MVB12B: variants seen among roughly 807,000 people sequenced by gnomAD.
MVB12B encodes the protein ESCRT-I complex subunit MVB12B.
MVB12B carries 16 observed loss-of-function variants against 41.6 expected under a neutral mutation model. The ratio of observed to expected loss-of-function variants is 0.38; its 90% CI spans 0.26 to 0.58. The LOEUF is 0.58. Ranked by LOEUF, MVB12B falls within the 20% of genes least tolerant of loss-of-function variation. MVB12B has a pLI of 0.62. For synonymous variants in MVB12B, 133 were observed against 139.7 expected (o/e 0.95, Z 0.34); for missense variants, 274 against 380.2 (o/e 0.72, Z 2.32).
intron 6 of MVB12B, chr9:126,397,413 A>G (rs2119013685): frequency 1.0e-6 from 1 of 985,430 alleles, no homozygotes; most frequent in African/African-American, 1.7e-5. Flanking sequence ...TCAGAACCAG[A>G]TGTTTATAAG....
chr9:126,498,222 C>T (rs1255625915), intron 9 of MVB12B, among the ~76,000 whole-genome samples: 1 of 152,142 alleles, frequency 6.6e-6, no homozygotes, highest in Non-Finnish European at 1.5e-5. Flanking sequence ...TAGCCGAGGC[C>T]GTGGGAGTGC....
At chr9:126,416,599 C>T (rs375355937) in intron 6 of MVB12B, among the ~76,000 whole-genome samples, 1 of 152,142 alleles carries the variant, frequency 6.6e-6, no homozygotes, top group Admixed American at 6.5e-5. Context: ...TTTATATACC[C>T]GATAGTGAAG....
rs1332186447 is a variant in MVB12B, at chr9:126,473,036, T to C, written c.758-8333T>C. Among the ~76,000 whole-genome samples, 1 of 152,164 alleles carries C rather than the reference T, an allele frequency of 6.6e-6. No individual in the cohort carries two copies. Among genetic ancestry groups the C allele is most frequent in the Non-Finnish European group, 1.5e-5 (1 of 68,034 alleles). On this transcript the variant is annotated intron_variant, in intron 7 of 9. Coordinates refer to ENST00000361171, the MANE Select transcript of MVB12B (RefSeq NM_033446.3). The surrounding 1 kb of genome is among the most constrained non-coding windows in gnomAD (Gnocchi z 4.0). ...CTGAAAGGAAACCTGCCCCAGCACATGGCTTTTGGTAAGAGCAGAAGCCAG... is the reference window on the plus strand; with the variant it reads ...CTGAAAGGAAACCTGCCCCAGCACACGGCTTTTGGTAAGAGCAGAAGCCAG...
intron 2 of MVB12B, among the ~76,000 whole-genome samples, chr9:126,346,085 G>T (rs1360661466): frequency 6.6e-6 from 1 of 152,172 alleles, no homozygotes; most frequent in East Asian, 1.9e-4. Flanking sequence ...TTATTCTGAG[G>T]GTGGTGGGAG....
At chr9:126,373,240 A>C (rs1049516716) in intron 2 of MVB12B, among the ~76,000 whole-genome samples, 3 of 152,268 alleles carry the variant, frequency 2.0e-5, no homozygotes, top group African/African-American at 7.2e-5. Context: ...GGATTAGTCA[A>C]ATGCCTCTTC....
At chr9:126,483,807 C>T (rs1215110984) in intron 8 of MVB12B, among the ~76,000 whole-genome samples, 166 bp from the exon 9 acceptor site, 12 of 152,180 alleles carry the variant, frequency 7.9e-5, no homozygotes, top group African/African-American at 2.9e-4. Flanking sequence ...CTCCTGCCAC[C>T]CCCACGCGTG....
rs768730694 is a variant in MVB12B at position 126,501,258 on chromosome 9, G to A, written c.874-1919G>A. On this transcript the variant is annotated intron_variant, in intron 9 of 9. Transcript: ENST00000361171. ...GTGATCGCTTGCTCAGTGCTAGGGC[G>A]CGGCGGGCCCTGATCTACCATCGCT... Among the ~76,000 whole-genome samples the A allele has an allele frequency of 4.6e-5, 7 of 152,222 alleles. 1 individual carries two copies. The highest frequency in any genetic ancestry group is 6.3e-3 in the Middle Eastern group (2 of 316).
At position 126,386,691 on chromosome 9, in the gene MVB12B, G is replaced by C; in HGVS notation, c.409+33G>C. The C allele has an allele frequency of 6.8e-7, 1 of 1,477,864 alleles. No homozygotes were observed. The highest frequency in any genetic ancestry group is 9.5e-7 in the Non-Finnish European group (1 of 1,057,366). 91.5% of individuals were successfully genotyped at this position (1,477,864 alleles called of 1,614,324 possible). On this transcript the variant is annotated intron_variant, in intron 4 of 9. Coordinates refer to ENST00000361171, the MANE Select transcript of MVB12B (RefSeq NM_033446.3). The surrounding 1 kb of genome is among the most constrained non-coding windows in gnomAD (Gnocchi z 4.3). Reference sequence around the variant, plus strand: ...ATCCTTTAGTAGCACTCATCACAATGAGCGTTTTCTTCCTCCAGGTATATT... The same window carrying C: ...ATCCTTTAGTAGCACTCATCACAATCAGCGTTTTCTTCCTCCAGGTATATT...
intron 7 of MVB12B, among the ~76,000 whole-genome samples, chr9:126,444,600 C>T (rs549466345): frequency 2.0e-5 from 3 of 152,246 alleles, no homozygotes; most frequent in African/African-American, 4.8e-5. Flanking sequence ...ACATTACTAC[C>T]GCTTGTTTCC....
chr9:126,334,048 T>C (rs1326648207), intron 1 of MVB12B, among the ~76,000 whole-genome samples: 3 of 152,228 alleles, frequency 2.0e-5, no homozygotes, highest in Non-Finnish European at 4.4e-5. Flanking sequence ...TTCAGGAATG[T>C]CCGTTTTAAC....
At chr9:126,417,937 A>G (rs1831873293) in intron 6 of MVB12B, among the ~76,000 whole-genome samples, 1 of 152,180 alleles carries the variant, frequency 6.6e-6, no homozygotes, top group Non-Finnish European at 1.5e-5. Flanking sequence ...AGGGAGTGGC[A>G]TGGATAAAGA....
chr9:126,375,954 TC>T (rs762058058), intron 2 of MVB12B, among the ~76,000 whole-genome samples: 42 of 152,208 alleles, frequency 2.8e-4, no homozygotes, highest in Non-Finnish European at 5.3e-4. Context: ...CTCGGTTCTT[TC>T]GTTTTGGGGT....
At chr9:126,342,240 C>T (rs915421976) in intron 2 of MVB12B, among the ~76,000 whole-genome samples, 1 of 152,094 alleles carries the variant, frequency 6.6e-6, no homozygotes, top group African/African-American at 2.4e-5. Flanking sequence ...GCTCAGGGGT[C>T]GCTCTCCTAG....
intron 1 of MVB12B, among the ~76,000 whole-genome samples, chr9:126,334,325 G>C (rs74871043): frequency 0.012 from 1,760 of 152,312 alleles, 26 homozygotes; most frequent in African/African-American, 0.041. Context: ...AGTCTCAGGA[G>C]AAAAGCCTGG....
At chr9:126,399,323 C>T (rs536546079) in intron 6 of MVB12B, among the ~76,000 whole-genome samples, 6 of 152,368 alleles carry the variant, frequency 3.9e-5, no homozygotes, top group African/African-American at 1.2e-4. Context: ...TGGCCGCAGG[C>T]GCTCCATCCC....
At chr9:126,463,354 A>G (rs1275291661) in intron 7 of MVB12B, among the ~76,000 whole-genome samples, 3 of 152,210 alleles carry the variant, frequency 2.0e-5, no homozygotes, top group African/African-American at 7.2e-5. Context: ...AAAACCAGGT[A>G]TTCAGTTTTG....
rs143450301 is a variant in MVB12B, at chr9:126,427,440, G to A, written c.757+5492G>A. On this transcript the variant is annotated intron_variant, in intron 7 of 9. Transcript: ENST00000361171. Reference sequence around the variant, plus strand: ...TCCTATAAGGAGAGGGGCCACCAAGGAGAGCACAGTGCGGCTTTTCTAACC... The same window carrying A: ...TCCTATAAGGAGAGGGGCCACCAAGAAGAGCACAGTGCGGCTTTTCTAACC... 6.6e-5 allele frequency among the ~76,000 whole-genome samples: 10 copies of A among 152,194 alleles called. No individual in the cohort carries two copies. In the East Asian group the frequency reaches 1.9e-3, roughly 29 times the overall value.
At chr9:126,407,758 AT>A (rs1005346678) in intron 6 of MVB12B, among the ~76,000 whole-genome samples, 27 of 152,010 alleles carry the variant, frequency 1.8e-4, no homozygotes, top group Admixed American at 4.6e-4. Context: ...GTAAATTGAG[AT>A]TTTTTTTAAC....
chr9:126,492,396 C>T (rs890657082), intron 9 of MVB12B, among the ~76,000 whole-genome samples: 6 of 151,898 alleles, frequency 4.0e-5, no homozygotes, highest in Non-Finnish European at 1.5e-5. Flanking sequence ...GGGTCTTTCC[C>T]TGGAAGAGGA....
Sources: allele counts gnomAD v4.1 joint callset (sites outside exome capture counted in the v4.1 genomes callset), GRCh38; gene constraint gnomAD v4.1.1; non-coding constraint Gnocchi (gnomAD v3.1); transcripts MANE v1.5; gene names NCBI Gene and HGNC (gene_info 2026-07-23, HGNC 2026-07-21).